The following PDZD2 variants were observed in gnomAD, a reference collection of about 807,000 sequenced individuals.
PDZD2 encodes the protein PDZ domain containing 2.
Under a neutral mutation model 220.7 loss-of-function variants are expected in PDZD2, and 90 were observed. The observed-to-expected ratio is 0.41, with a 90% CI of 0.34 to 0.49. PDZD2 has a LOEUF of 0.49. Among genes scored for constraint, PDZD2 ranks in the 20% least tolerant of loss-of-function variants. The pLI, the probability that PDZD2 is intolerant of heterozygous loss-of-function variation, is 0.28. For synonymous variants in PDZD2, 1,375 were observed against 1,450.5 expected, an observed-to-expected ratio of 0.95 and a Z score of 1.18; for missense variants, 3,174 against 3,608.5, an observed-to-expected ratio of 0.88 and a Z score of 3.08.
chr5:32,024,031 A>G (rs1754426545), intron 6 of PDZD2, among the ~76,000 whole-genome samples: 1 of 152,232 alleles, frequency 6.6e-6, no homozygotes, highest in Non-Finnish European at 1.5e-5. Context: ...CTCCATGATC[A>G]GATCAACTAT....
At chr5:31,933,135 T>C (rs559803915) in intron 2 of PDZD2, among the ~76,000 whole-genome samples, 1 of 152,282 alleles carries the variant, frequency 6.6e-6, no homozygotes, top group Admixed American at 6.5e-5. Flanking sequence ...GGTCTCGAAC[T>C]CCTGACCTCA....
chr5:31,838,622 G>A (rs1215939865), intron 2 of PDZD2, among the ~76,000 whole-genome samples: 1 of 152,210 alleles, frequency 6.6e-6, no homozygotes, highest in African/African-American at 2.4e-5. Context: ...ATAGAACAAA[G>A]GCTAGGCAAA....
chr5:31,950,963 G>T (rs1223752852), intron 2 of PDZD2, among the ~76,000 whole-genome samples: 4 of 152,310 alleles, frequency 2.6e-5, no homozygotes, highest in Admixed American at 6.5e-5. Context: ...CAAGGCACCG[G>T]CAGATTCAGT....
At chr5:31,727,111 G>A (rs1433605960) in intron 1 of PDZD2, among the ~76,000 whole-genome samples, 1 of 152,126 alleles carries the variant, frequency 6.6e-6, no homozygotes, top group African/African-American at 2.4e-5. Context: ...AGCCATGAGC[G>A]ATCCACCCCC....
intron 1 of PDZD2, among the ~76,000 whole-genome samples, chr5:31,685,753 G>A (rs1746829998): frequency 6.6e-6 from 1 of 152,046 alleles, no homozygotes; most frequent in South Asian, 2.1e-4. Context: ...CAAACTCCTG[G>A]GATCAAGCAA....
intron 1 of PDZD2, among the ~76,000 whole-genome samples, chr5:31,791,632 C>T (rs1017056463): frequency 9.1e-5 from 13 of 142,724 alleles, no homozygotes; most frequent in Non-Finnish European, 1.8e-4. Context: ...AAAGAAAAAG[C>T]ACCTACCAAT....
chr5:31,658,305 C>T (rs749460422), intron 1 of PDZD2, among the ~76,000 whole-genome samples: 3 of 152,144 alleles, frequency 2.0e-5, no homozygotes, highest in Admixed American at 6.5e-5. Flanking sequence ...GGATGATCAG[C>T]GGAAACTCCG....
chr5:31,979,177 A>G (rs947621612), intron 2 of PDZD2, among the ~76,000 whole-genome samples: 1 of 152,238 alleles, frequency 6.6e-6, no homozygotes, highest in Non-Finnish European at 1.5e-5. Context: ...TAAAAAGTAG[A>G]TTCCCAAAAA....
chr5:31,885,791 A>G lies in PDZD2; in HGVS notation c.476+86067A>G, dbSNP rs140323551. Among the ~76,000 whole-genome samples the G allele has an allele frequency of 3.7e-3, 570 of 152,338 alleles. 2 individuals are homozygous for G. Among genetic ancestry groups the G allele is most frequent in the Non-Finnish European group, 5.8e-3 (395 of 68,032 alleles). ...GCATTAGATAAATGCTGTGTCCAGA[A>G]GGTTGACATGAAAACCAGAAAACAG... On this transcript the variant is annotated intron_variant, in intron 2 of 24. Transcript: ENST00000438447.
chr5:32,089,082 G>A lies in PDZD2; in HGVS notation c.5634G>A (p.Lys1878=). 1 of 1,614,036 alleles carries A rather than the reference G, an allele frequency of 6.2e-7. No individual in the cohort carries two copies. The highest frequency in any genetic ancestry group is 8.5e-7 in the Non-Finnish European group (1 of 1,180,030). The change falls in exon 20 of 25, where the codon AAG becomes AAA. Residue 1878 remains lysine, a synonymous_variant. Transcript: ENST00000438447. ...AAATGCTTCTGACTAATGGTCAGAA[G>A]GCAAAGTGTGGTCCGAAGCTGAAGA... The part of the protein sequence containing the change: ...PAEMLLTNGQ[K]AKCGPKLKRL...
At chr5:31,993,017 C>T (rs1189014840) in intron 3 of PDZD2, among the ~76,000 whole-genome samples, 4 of 152,144 alleles carry the variant, frequency 2.6e-5, no homozygotes, top group African/African-American at 9.7e-5. Context: ...ATCCACTAGG[C>T]CATCGGGCCC....
intron 2 of PDZD2, among the ~76,000 whole-genome samples, chr5:31,971,646 T>G (rs1016603579): frequency 6.6e-6 from 1 of 152,228 alleles, no homozygotes; most frequent in African/African-American, 2.4e-5. Flanking sequence ...ACCTTTTCCC[T>G]CACTGGAATT....
intron 2 of PDZD2, among the ~76,000 whole-genome samples, chr5:31,961,722 G>A (rs1293142971): frequency 6.6e-6 from 1 of 152,142 alleles, no homozygotes; most frequent in Admixed American, 6.6e-5. Context: ...TCGGCTCACT[G>A]CAGTCTCTGC....
chr5:31,904,045 T>G (rs1161235051), intron 2 of PDZD2, among the ~76,000 whole-genome samples: 5 of 151,980 alleles, frequency 3.3e-5, no homozygotes, highest in Admixed American at 3.3e-4. Context: ...TTTTTTTTTT[T>G]TTTTTAGTAT....
At chr5:31,692,043 C>G (rs1747158548) in intron 1 of PDZD2, among the ~76,000 whole-genome samples, 2 of 152,200 alleles carry the variant, frequency 1.3e-5, no homozygotes, top group African/African-American at 2.4e-5. Context: ...GTCGATGGGA[C>G]TGGGCGCAGT....
intron 1 of PDZD2, among the ~76,000 whole-genome samples, chr5:31,750,535 C>A (rs1030527756): frequency 6.6e-6 from 1 of 152,112 alleles, no homozygotes; most frequent in Non-Finnish European, 1.5e-5. Flanking sequence ...ATGTGTAACA[C>A]GAGGGTCCGC....
At chr5:32,068,782 G>T (rs1032841297) in intron 14 of PDZD2, among the ~76,000 whole-genome samples, 4 of 152,100 alleles carry the variant, frequency 2.6e-5, no homozygotes, top group African/African-American at 9.7e-5. Context: ...TGGGTAAGGG[G>T]TCACGATGTC....
At chr5:31,902,056 G>A (rs1204175169) in intron 2 of PDZD2, among the ~76,000 whole-genome samples, 2 of 152,162 alleles carry the variant, frequency 1.3e-5, no homozygotes, top group Non-Finnish European at 2.9e-5. Flanking sequence ...ATTCATGTAC[G>A]AGATTTGTGT....
At chr5:31,733,405 C>T (rs908254249) in intron 1 of PDZD2, among the ~76,000 whole-genome samples, 10 of 152,176 alleles carry the variant, frequency 6.6e-5, no homozygotes, top group African/African-American at 1.9e-4. Flanking sequence ...ATCTTTCCCC[C>T]GTTCTCTTGC....
Sources: gnomAD v4.1 joint callset for allele counts (sites outside exome capture counted in the v4.1 genomes callset) on GRCh38, gnomAD v4.1.1 for gene constraint, MANE v1.5 for transcripts, NCBI Gene and HGNC (gene_info 2026-07-23, HGNC 2026-07-21) for gene names.